L3MBTL2: variants seen among roughly 807,000 people sequenced by gnomAD.
L3MBTL2 encodes L3MBTL histone methyl-lysine binding protein 2.
A neutral mutation model predicts 86.4 loss-of-function variants in L3MBTL2; 49 were observed. That is an observed-to-expected ratio of 0.57 (90% CI 0.45 to 0.72). The LOEUF is 0.72. Ranked by LOEUF, L3MBTL2 falls within the 30% of genes least tolerant of loss-of-function variation. L3MBTL2 has a pLI of 0.00. For synonymous variants in L3MBTL2, 336 were observed against 350.6 expected (o/e 0.96, Z 0.47); for missense variants, 755 against 923.7 (o/e 0.82, Z 2.37).
intron 4 of L3MBTL2, 32 bp from the exon 5 acceptor site, chr22:41,217,091 T>C: frequency 6.3e-7 from 1 of 1,592,224 alleles, no homozygotes. Context: ...CTGCGCAGGC[T>C]CCTAGTCTGA....
intron 15 of L3MBTL2, 190 bp downstream of exon 15, chr22:41,228,059 C>T: frequency 1.0e-6 from 1 of 985,434 alleles, no homozygotes; most frequent in Non-Finnish European, 1.2e-6. Flanking sequence ...CACCCTGTCT[C>T]TGGGGACCCA....
rs1385232739 is a variant in L3MBTL2, at chr22:41,227,515, G to C, written c.1822+192G>C. The C allele has an allele frequency of 7.1e-7, 1 of 1,401,354 alleles. No homozygotes were observed. Among genetic ancestry groups the C allele is most frequent in the African/African-American group, 1.4e-5 (1 of 70,066 alleles). The allele number at this position is 1,401,354 out of a possible 1,614,324, so 86.8% of individuals were successfully genotyped here. On this transcript the variant is annotated intron_variant, in intron 14 of 16. Coordinates refer to ENST00000216237, the MANE Select transcript of L3MBTL2 (RefSeq NM_031488.5). This position sits in a 1 kb window ranked among gnomAD's most constrained non-coding sequence, Gnocchi z 6.0. ...CTCTGTCTCCCTTTCCCTCTGGCCT[G>C]CAGAGCTCCTTCCTTCATCTTGCCC...
intron 7 of L3MBTL2, 41 bp downstream of exon 7, chr22:41,220,909 C>T: frequency 3.8e-6 from 6 of 1,591,782 alleles, no homozygotes; most frequent in Non-Finnish European, 5.2e-6. Flanking sequence ...TCCCGTAGGG[C>T]CCCTGGTAGA....
rs1442629479 is a variant in L3MBTL2, at chr22:41,224,650, G to T, written c.1175-75G>T. ...GCAGAGCAGCCCCACATTCCCAGGG[G>T]AGGCGTGTGGAGATGGCCCAGGAGC... On this transcript the variant is annotated intron_variant, in intron 9 of 16. Transcript: ENST00000216237. The surrounding 1 kb of genome is among the most constrained non-coding windows in gnomAD (Gnocchi z 4.9). 2.8e-6 allele frequency: 3 copies of T among 1,053,922 alleles called. No homozygotes were observed. The highest frequency in any genetic ancestry group is 4.5e-6 in the Non-Finnish European group (3 of 674,006). The allele number at this position is 1,053,922 out of a possible 1,614,324, so 65.3% of individuals were successfully genotyped here.
chr22:41,212,895 CAAA>C (rs35911149), intron 2 of L3MBTL2, among the ~76,000 whole-genome samples: 2 of 135,274 alleles, frequency 1.5e-5, no homozygotes. Context: ...AACTCCATCT[CAAA>C]AAAAAAAAAA....
chr22:41,216,137 A>C lies in L3MBTL2; in HGVS notation c.397-2A>C. On this transcript the variant is annotated splice_acceptor_variant, in intron 3 of 16. Coordinates refer to ENST00000216237, the MANE Select transcript of L3MBTL2 (RefSeq NM_031488.5). LOFTEE classifies it high-confidence loss of function. ...ACACATAGCCTCTGTCCTCCTCTCCAGGGAAAACCACCGACCAAAAAAGCC... is the reference window on the plus strand; with the variant it reads ...ACACATAGCCTCTGTCCTCCTCTCCCGGGAAAACCACCGACCAAAAAAGCC... The C allele has an allele frequency of 6.2e-7, 1 of 1,612,192 alleles. No homozygotes were observed. Among genetic ancestry groups the C allele is most frequent in the Non-Finnish European group, 8.5e-7 (1 of 1,179,124 alleles).
chr22:41,227,946 G>A lies in L3MBTL2; in HGVS notation c.1888+77G>A, dbSNP rs2032307681. 7.7e-6 allele frequency: 12 copies of A among 1,565,942 alleles called. No homozygotes were observed. Among genetic ancestry groups the A allele is most frequent in the Admixed American group, 1.9e-5 (1 of 52,234 alleles). ...CCTGCGTCCCTGGGAGCAGGCGGGGGTCAGCCCCCAGGCACTGGTTCCCAG... is the reference window on the plus strand; with the variant it reads ...CCTGCGTCCCTGGGAGCAGGCGGGGATCAGCCCCCAGGCACTGGTTCCCAG... On this transcript the variant is annotated intron_variant, in intron 15 of 16. Transcript: ENST00000216237. The surrounding 1 kb of genome is among the most constrained non-coding windows in gnomAD (Gnocchi z 6.0).
rs185840166 is a variant in L3MBTL2 at position 41,224,859 on chromosome 22, G to A, written c.1251+58G>A. 42 of 1,564,792 alleles carry A rather than the reference G, an allele frequency of 2.7e-5. No homozygotes were observed. In the Admixed American group the frequency reaches 5.0e-4, roughly 19 times the overall value. On this transcript the variant is annotated intron_variant, in intron 10 of 16. Transcript: ENST00000216237. This position sits in a 1 kb window ranked among gnomAD's most constrained non-coding sequence, Gnocchi z 4.9. ...AGCCATGGGTCCATTCCGGGCCTGA[G>A]GGACCTGGCTCTTCCCCTGGGACCA...
chr22:41,210,554 C>T (rs965321655), intron 2 of L3MBTL2, among the ~76,000 whole-genome samples: 6 of 152,232 alleles, frequency 3.9e-5, no homozygotes, highest in African/African-American at 1.4e-4. Context: ...TGGTCTCGAT[C>T]TCCTGACCTC....
rs1327223216 is a variant in L3MBTL2 at position 41,230,246 on chromosome 22, G to A, written c.2113G>A (p.Asp705Asn). The A allele has an allele frequency of 5.6e-6, 9 of 1,613,074 alleles. No homozygotes were observed. Among genetic ancestry groups the A allele is most frequent in the African/African-American group, 1.3e-5 (1 of 74,966 alleles). Residue 705 changes from aspartate to asparagine, a missense_variant, in exon 17 of 17, where the codon GAC becomes AAC. Asp to Asn is a conservative substitution (Grantham distance 23, BLOSUM62 1). This residue lies in a region of L3MBTL2 where 634 missense variants were observed against 748.9 expected (regional missense o/e 0.85). Transcript: ENST00000216237. The part of the protein sequence containing the change: ...SVENIKQETD[D>N] The stretch of plus-strand genomic sequence containing the variant: ...CGAGAACATCAAGCAGGAAACAGAC[G>A]ACTGAGCCTTCCTGCCTCCAGCCTG...
chr22:41,216,342 T>A (rs901712651), intron 4 of L3MBTL2, 80 bp downstream of exon 4: 1 of 1,549,352 alleles, frequency 6.5e-7, no homozygotes, highest in African/African-American at 1.4e-5. Context: ...TTCCTAGGAA[T>A]GAAGACTGGG....
At chr22:41,223,261 G>A (rs1397385737) in intron 8 of L3MBTL2, among the ~76,000 whole-genome samples, 2 of 152,332 alleles carry the variant, frequency 1.3e-5, no homozygotes, top group African/African-American at 4.8e-5. Flanking sequence ...AGTCTAGGCT[G>A]GTTCTTCCTG....
rs377095992 is a variant in L3MBTL2, at chr22:41,209,887, C to A, written c.216C>A (p.Leu72=). 1.9e-6 allele frequency: 3 copies of A among 1,613,968 alleles called. No homozygotes were observed. The African/African-American group carries it at 4.0e-5, about 22-fold the overall frequency. ...GELPTSPLHL[L]SPGTPRSLDG... Reference sequence around the variant, plus strand: ...TGCCGACCTCCCCGCTGCATTTGCTCAGCCCTGGGACTCCTCGCTCCTTGG... The same window carrying A: ...TGCCGACCTCCCCGCTGCATTTGCTAAGCCCTGGGACTCCTCGCTCCTTGG... The change falls in exon 2 of 17, where the codon CTC becomes CTA. Residue 72 remains leucine, a synonymous_variant. Coordinates refer to ENST00000216237, the MANE Select transcript of L3MBTL2 (RefSeq NM_031488.5).
At chr22:41,221,395 C>G (rs1327388400) in intron 8 of L3MBTL2, 108 bp downstream of exon 8, 1 of 893,194 alleles carries the variant, frequency 1.1e-6, no homozygotes, top group Admixed American at 2.1e-5. Context: ...GCCTGATGAT[C>G]TTCAGCAGCT....
Position 41,227,520 on chromosome 22 carries a change from G to A in L3MBTL2, c.1822+197G>A. On this transcript the variant is annotated intron_variant, in intron 14 of 16. Transcript: ENST00000216237. The surrounding 1 kb of genome is among the most constrained non-coding windows in gnomAD (Gnocchi z 6.0). Reference sequence around the variant, plus strand: ...TCTCCCTTTCCCTCTGGCCTGCAGAGCTCCTTCCTTCATCTTGCCCACTCT... The same window carrying A: ...TCTCCCTTTCCCTCTGGCCTGCAGAACTCCTTCCTTCATCTTGCCCACTCT... 2.8e-6 allele frequency: 4 copies of A among 1,425,372 alleles called. No individual in the cohort carries two copies. Among genetic ancestry groups the A allele is most frequent in the Non-Finnish European group, 3.9e-6 (4 of 1,033,842 alleles). The allele number at this position is 1,425,372 out of a possible 1,614,324, so 88.3% of individuals were successfully genotyped here. A position where few individuals can be genotyped will look rare whatever the true frequency, so the allele number is the denominator to read the frequency against.
intron 3 of L3MBTL2, 87 bp from the exon 4 acceptor site, chr22:41,216,052 C>A: frequency 6.9e-7 from 1 of 1,447,750 alleles, no homozygotes. Context: ...GTCACTGGCC[C>A]AAGCCCAGGA....
At chr22:41,226,821 G>T in intron 13 of L3MBTL2, 77 bp downstream of exon 13, 1 of 1,077,288 alleles carries the variant, frequency 9.3e-7, no homozygotes, top group South Asian at 1.3e-5. Flanking sequence ...AGTGGTGGCA[G>T]TTCCTACTCT....
At chr22:41,207,993 A>C (rs1271550856) in intron 1 of L3MBTL2, among the ~76,000 whole-genome samples, 1 of 151,866 alleles carries the variant, frequency 6.6e-6, no homozygotes. Context: ...CATCATGCCC[A>C]GCTATTTTTT....
rs542927445 is a variant in L3MBTL2 at position 41,221,290 on chromosome 22, C to G, written c.942+3C>G. 6.4e-7 allele frequency: 1 copy of G among 1,551,074 alleles called. No homozygotes were observed. The highest frequency in any genetic ancestry group is 8.7e-7 in the Non-Finnish European group (1 of 1,146,514). ...TTCCCGTGGATTTCCACATCAAGGT[C>G]GGCAGTGAGCCCTTAACTGATGTGC... On this transcript the variant is annotated splice_donor_region_variant and intron_variant, in intron 8 of 16. Coordinates refer to ENST00000216237, the MANE Select transcript of L3MBTL2 (RefSeq NM_031488.5).
Sources: gnomAD v4.1 joint callset for allele counts (sites outside exome capture counted in the v4.1 genomes callset) on GRCh38, gnomAD v4.1.1 for gene constraint, gnomAD v4.1.1 regional missense constraint, Gnocchi (gnomAD v3.1) non-coding constraint, MANE v1.5 for transcripts, NCBI Gene and HGNC (gene_info 2026-07-23, HGNC 2026-07-21) for gene names.